Variants in MCF2L2 observed in about 807,000 individuals in gnomAD.
The protein encoded by MCF2L2 is MCF.2 cell line derived transforming sequence-like 2.
In MCF2L2, 102 loss-of-function variants were observed where a neutral mutation model predicts 150.2. The ratio of observed to expected loss-of-function variants is 0.68; its 90% confidence interval spans 0.58 to 0.80. The LOEUF is 0.80. Among genes scored for constraint, MCF2L2 ranks in the 30% least tolerant of loss-of-function variants. The probability of loss-of-function intolerance (pLI) is 0.00; values close to 1 mark genes in which losing one functional copy is unlikely to be tolerated. For synonymous variants in MCF2L2, 465 were observed against 491.3 expected, an observed-to-expected ratio of 0.95 and a Z score of 0.71; for missense variants, 1,256 against 1,372.8, an observed-to-expected ratio of 0.91 and a Z score of 1.34.
At chr3:183,204,497 T>G (rs758980220) in intron 25 of MCF2L2, among the ~76,000 whole-genome samples, 2 of 151,972 alleles carry the variant, frequency 1.3e-5, no homozygotes, top group African/African-American at 4.8e-5. Context: ...GTTATTATAA[T>G]GAACAATACA....
At chr3:183,392,721 GC>G (rs1184083152) in intron 1 of MCF2L2, among the ~76,000 whole-genome samples, 1 of 152,136 alleles carries the variant, frequency 6.6e-6, no homozygotes, top group Non-Finnish European at 1.5e-5. Context: ...GATACACCCA[GC>G]CTTCAGTTGC....
chr3:183,419,279 TTCC>T (rs1715755576), intron 1 of MCF2L2, among the ~76,000 whole-genome samples: 1 of 152,216 alleles, frequency 6.6e-6, no homozygotes, highest in Admixed American at 6.5e-5. Flanking sequence ...CAACCATCTT[TTCC>T]TCCTAGGCCT....
intron 1 of MCF2L2, among the ~76,000 whole-genome samples, chr3:183,425,186 C>A (rs544851251): frequency 6.7e-6 from 1 of 148,318 alleles, no homozygotes; most frequent in African/African-American, 2.5e-5. Context: ...AAGAAAGCTG[C>A]GAGGTGTTTC....
rs1726826079 is a variant in MCF2L2 at position 183,272,054 on chromosome 3, G to C, written c.1862+4818C>G. ...AACAATTTATTTTTCATCAATAACT[G>C]TCAGAGGTGATCTTTATTTTCTAAA... is the stretch of plus-strand genomic sequence containing the variant. On this transcript the variant is annotated intron_variant, in intron 15 of 29. Transcript: ENST00000328913. The C allele has an allele frequency of 4.9e-6, 3 of 613,838 alleles. No individual in the cohort carries two copies. The South Asian group carries it at 2.2e-4, about 46-fold the overall frequency. 38.0% of individuals were successfully genotyped at this position (613,838 alleles called of 1,614,324 possible).
At chr3:183,258,053 C>T (rs756183370) in intron 15 of MCF2L2, among the ~76,000 whole-genome samples, 14 of 149,330 alleles carry the variant, frequency 9.4e-5, no homozygotes, top group Non-Finnish European at 1.8e-4. Context: ...CCGCAACCTC[C>T]GCCTCCTGGG....
chr3:183,310,941 G>A lies in MCF2L2; in HGVS notation c.967C>T (p.Gln323Ter), dbSNP rs1318679180. 1 of 1,613,482 alleles carries A rather than the reference G, an allele frequency of 6.2e-7. No homozygotes were observed. The highest frequency in any genetic ancestry group is 8.5e-7 in the Non-Finnish European group (1 of 1,179,500). ...HLKLNQCLQL[Q>*]HFEHDFCKAK... ...TTACAAAAATCGTGCTCAAAATGCT[G>A]TAGTTGTAGGCACTGGTTAAGCTTC... Residue 323 changes from glutamine (Q) to a stop codon, truncating the protein, a stop_gained, in exon 9 of 30, where the codon CAG (glutamine) becomes TAG (stop). Coordinates refer to ENST00000328913, the MANE Select transcript of MCF2L2 (RefSeq NM_015078.4). LOFTEE classifies it high-confidence loss of function.
intron 10 of MCF2L2, among the ~76,000 whole-genome samples, chr3:183,303,190 T>G (rs1728940478): frequency 7.7e-6 from 1 of 130,038 alleles, no homozygotes; most frequent in African/African-American, 3.9e-5. Context: ...TGAGACTCTG[T>G]CTCCAAAAAA....
chr3:183,423,632 GTTTTTTT>G (rs34400256), intron 1 of MCF2L2, among the ~76,000 whole-genome samples: 55 of 92,054 alleles, frequency 6.0e-4, no homozygotes, highest in African/African-American at 2.1e-3. Flanking sequence ...AATTTTATTT[GTTTTTTT>G]TTTTTTTTTT....
At chr3:183,292,248 A>C (rs1296382965) in intron 13 of MCF2L2, among the ~76,000 whole-genome samples, 2 of 152,168 alleles carry the variant, frequency 1.3e-5, no homozygotes, top group Non-Finnish European at 2.9e-5. Flanking sequence ...ATATAAACAA[A>C]AACTGAAAGA....
intron 5 of MCF2L2, among the ~76,000 whole-genome samples, chr3:183,333,365 A>T (rs1730344020): frequency 6.6e-6 from 1 of 152,120 alleles, no homozygotes; most frequent in Admixed American, 6.5e-5. Flanking sequence ...GAGTAATTTT[A>T]ATTAAAGCTA....
intron 17 of MCF2L2, among the ~76,000 whole-genome samples, chr3:183,228,912 A>T (rs1255774213): frequency 6.6e-6 from 1 of 152,194 alleles, no homozygotes; most frequent in Non-Finnish European, 1.5e-5. Context: ...AACCAAAGAT[A>T]GGGTTTTATA....
intron 15 of MCF2L2, among the ~76,000 whole-genome samples, chr3:183,251,608 C>T (rs1435057330): frequency 6.6e-6 from 1 of 152,224 alleles, no homozygotes; most frequent in Non-Finnish European, 1.5e-5. Flanking sequence ...GGTCCTCCTT[C>T]TTCATGCTGG....
intron 15 of MCF2L2, among the ~76,000 whole-genome samples, chr3:183,263,350 G>A (rs1725795592): frequency 1.3e-5 from 2 of 151,996 alleles, no homozygotes; most frequent in South Asian, 4.2e-4. Context: ...CCCCAAGTGG[G>A]GCAGGGTCCA....
intron 20 of MCF2L2, 87 bp from the exon 21 acceptor site, chr3:183,220,011 A>C: frequency 1.1e-6 from 1 of 902,074 alleles, no homozygotes; most frequent in Non-Finnish European, 1.9e-6. Flanking sequence ...TGTGCAAACT[A>C]TCTGCCACCA....
Position 183,179,164 on chromosome 3 carries a change from G to C in MCF2L2, c.*216C>G, listed in dbSNP as rs1721419848. On this transcript the variant is annotated 3_prime_UTR_variant, in exon 30 of 30. Coordinates refer to ENST00000328913, the MANE Select transcript of MCF2L2 (RefSeq NM_015078.4). The surrounding 1 kb of genome is among the most constrained non-coding windows in gnomAD (Gnocchi z 4.2). ...CTGCGGGCTCTGCTCGCCTCTGCAG[G>C]CGCCTTAGAGCAGCTCCGAGGTCCC... 1 of 504,176 alleles carries C rather than the reference G, an allele frequency of 2.0e-6. No homozygotes were observed. The highest frequency in any genetic ancestry group is 7.1e-5 in the South Asian group (1 of 13,990). The allele number at this position is 504,176 out of a possible 1,614,324, so 31.2% of individuals were successfully genotyped here.
chr3:183,352,719 T>G (rs779975841), intron 3 of MCF2L2, among the ~76,000 whole-genome samples: 5 of 152,198 alleles, frequency 3.3e-5, no homozygotes, highest in Admixed American at 6.5e-5. Flanking sequence ...TGGCAGGGTA[T>G]ACCCCTCCTC....
intron 5 of MCF2L2, among the ~76,000 whole-genome samples, chr3:183,329,186 T>C (rs1730167122): frequency 2.0e-5 from 3 of 152,224 alleles, no homozygotes; most frequent in Admixed American, 2.0e-4. Context: ...TGTGAATGTT[T>C]ATAGCAGCTT....
At chr3:183,199,959 T>C (rs1472091492) in intron 25 of MCF2L2, among the ~76,000 whole-genome samples, 3 of 152,140 alleles carry the variant, frequency 2.0e-5, no homozygotes, top group East Asian at 3.9e-4. Flanking sequence ...ATGAACTCAT[T>C]GTTTTTTATG....
intron 3 of MCF2L2, among the ~76,000 whole-genome samples, chr3:183,364,908 C>G (rs1378429572): frequency 6.6e-6 from 1 of 152,100 alleles, no homozygotes; most frequent in Non-Finnish European, 1.5e-5. Flanking sequence ...GTTTCACAGG[C>G]GAATTCTACA....
Sources: allele counts gnomAD v4.1 joint callset (sites outside exome capture counted in the v4.1 genomes callset), GRCh38; gene constraint gnomAD v4.1.1; non-coding constraint Gnocchi (gnomAD v3.1); transcripts MANE v1.5; gene names NCBI Gene and HGNC (gene_info 2026-07-23, HGNC 2026-07-21).